The following DAB1 variants were observed in gnomAD, a reference collection of about 807,000 sequenced individuals.
DAB1 encodes disabled homolog 1.
DAB1 carries 15 observed loss-of-function variants against 64.6 expected under a neutral mutation model. That is an observed-to-expected ratio of 0.23 (90% CI 0.16 to 0.36). DAB1 has a LOEUF of 0.36. Among genes scored for constraint, DAB1 ranks in the 10% least tolerant of loss-of-function variants. The probability of loss-of-function intolerance (pLI) is 1.00; values close to 1 mark genes in which losing one functional copy is unlikely to be tolerated. For synonymous variants in DAB1, 235 were observed against 251.9 expected (o/e 0.93, Z 0.64); for missense variants, 596 against 706.7 (o/e 0.84, Z 1.78).
intron 7 of DAB1, among the ~76,000 whole-genome samples, chr1:57,519,044 G>A (rs1488656402): frequency 3.3e-5 from 5 of 152,088 alleles, no homozygotes; most frequent in Non-Finnish European, 7.3e-5. Flanking sequence ...TCGGCGCATA[G>A]AAAAGAGCCT....
intron 6 of DAB1, among the ~76,000 whole-genome samples, chr1:57,661,156 A>G (rs1456665976): frequency 6.6e-6 from 1 of 152,058 alleles, no homozygotes; most frequent in African/African-American, 2.4e-5. Context: ...TAGTGAAGAA[A>G]TTTTCTCACT....
At position 57,883,448 on chromosome 1, in the gene DAB1, G is replaced by A. The variant is rs552328653; in HGVS notation, n.87+551C>T. Among the ~76,000 whole-genome samples the A allele has an allele frequency of 3.3e-5, 5 of 152,312 alleles. No homozygotes were observed. The East Asian group carries it at 5.8e-4, about 18-fold the overall frequency. ...TAAATTGGGCCTGAAATAGCCACACGATGAAGGGTAATAAGGCAGAGAGCA... is the reference window on the plus strand; with the variant it reads ...TAAATTGGGCCTGAAATAGCCACACAATGAAGGGTAATAAGGCAGAGAGCA... On this transcript the variant is annotated intron_variant and non_coding_transcript_variant, in intron 1 of 1. Coordinates refer to the DAB1 transcript ENST00000477280.
At chr1:57,143,555 T>G (rs1658816369) in intron 3 of DAB1, among the ~76,000 whole-genome samples, 1 of 152,224 alleles carries the variant, frequency 6.6e-6, no homozygotes, top group African/African-American at 2.4e-5. Context: ...TATTAAAGTT[T>G]GTTTATATAA....
At chr1:58,130,746 G>C (rs1214473277) in intron 5 of DAB1, among the ~76,000 whole-genome samples, 2 of 151,796 alleles carry the variant, frequency 1.3e-5, no homozygotes, top group South Asian at 2.1e-4. Context: ...TGAAATTCTG[G>C]GTTGAAAATT....
At position 58,345,309 on chromosome 1, in the gene DAB1, A is replaced by G. The variant is rs567961618; in HGVS notation, n.258-1906T>C. 3.3e-5 allele frequency among the ~76,000 whole-genome samples: 5 copies of G among 152,290 alleles called. No homozygotes were observed. The East Asian group carries it at 9.7e-4, about 29-fold the overall frequency. On this transcript the variant is annotated intron_variant and non_coding_transcript_variant, in intron 3 of 20. Transcript: ENST00000485760. ...TTTCTACCACCCCCATGCCACCAAT[A>G]ACATCCTTCAATGGAAAAGAATTAT...
intron 3 of DAB1, among the ~76,000 whole-genome samples, chr1:58,430,178 GAC>G (rs375831281): frequency 1.3e-4 from 20 of 152,330 alleles, no homozygotes; most frequent in African/African-American, 4.8e-4. Context: ...ATTTGGGTGA[GAC>G]ACAAAGCCAG....
intron 3 of DAB1, among the ~76,000 whole-genome samples, chr1:58,470,576 C>T (rs1645346551): frequency 6.6e-6 from 1 of 152,130 alleles, no homozygotes; most frequent in Non-Finnish European, 1.5e-5. Context: ...ATTCCTGGAG[C>T]ACAGATGTCT....
chr1:57,522,137 T>C (rs1184987245), intron 7 of DAB1, among the ~76,000 whole-genome samples: 3 of 150,672 alleles, frequency 2.0e-5, no homozygotes, highest in African/African-American at 2.4e-5. Context: ...TTAACCCCGG[T>C]GCATCTCAGA....
intron 4 of DAB1, among the ~76,000 whole-genome samples, chr1:58,230,928 C>T (rs760759372): frequency 1.3e-4 from 20 of 152,248 alleles, no homozygotes; most frequent in African/African-American, 2.6e-4. Flanking sequence ...GCCAGACAGA[C>T]GGATTCTGAA....
intron 5 of DAB1, among the ~76,000 whole-genome samples, chr1:58,146,336 C>T (rs763069668): frequency 2.6e-5 from 4 of 151,952 alleles, no homozygotes; most frequent in South Asian, 2.1e-4. Context: ...AAATAGTTAC[C>T]GTGTGTGTGT....
chr1:57,610,635 G>A (rs1015520926), intron 7 of DAB1, among the ~76,000 whole-genome samples: 14 of 152,336 alleles, frequency 9.2e-5, no homozygotes, highest in Middle Eastern at 3.4e-3. Flanking sequence ...AAGGCCTCAG[G>A]AAACTTACAA....
At chr1:58,071,405 T>TGG (rs1553157590) in intron 5 of DAB1, 3 of 144,954 alleles carry the variant, frequency 2.1e-5, no homozygotes, top group African/African-American at 7.8e-5. Context: ...TGTGTGTGTG[T>TGG]GGGTGGGGAG....
intron 5 of DAB1, among the ~76,000 whole-genome samples, chr1:57,994,307 G>A (rs955220527): frequency 6.6e-6 from 1 of 152,182 alleles, no homozygotes; most frequent in African/African-American, 2.4e-5. Flanking sequence ...CTTGAAAGAG[G>A]AAAGAATCTG....
chr1:57,315,533 C>T (rs374730857), intron 1 of DAB1, among the ~76,000 whole-genome samples: 2 of 152,076 alleles, frequency 1.3e-5, no homozygotes, highest in Admixed American at 6.6e-5. Context: ...GACGGAGTCT[C>T]GCTCTGTCAC....
At chr1:58,511,094 T>G (rs569945082) in intron 2 of DAB1, among the ~76,000 whole-genome samples, 1 of 152,126 alleles carries the variant, frequency 6.6e-6, no homozygotes, top group East Asian at 1.9e-4. Context: ...GAAAATCCCA[T>G]TGGCACTTTT....
At chr1:57,243,719 A>G (rs1206038183) in intron 2 of DAB1, among the ~76,000 whole-genome samples, 2 of 152,168 alleles carry the variant, frequency 1.3e-5, no homozygotes, top group East Asian at 1.9e-4. Context: ...AGAGAAATTC[A>G]TTGGAGGCAG....
chr1:57,275,979 T>C (rs1229007168), intron 2 of DAB1, among the ~76,000 whole-genome samples: 5 of 152,144 alleles, frequency 3.3e-5, no homozygotes, highest in Non-Finnish European at 7.4e-5. Flanking sequence ...GACAGAAAGA[T>C]TGAGAGAGAG....
intron 5 of DAB1, among the ~76,000 whole-genome samples, chr1:58,093,002 T>A (rs1650761041): frequency 6.6e-6 from 1 of 152,208 alleles, no homozygotes; most frequent in Admixed American, 6.5e-5. Context: ...TGGTTCACTA[T>A]TGGAATAAAG....
At chr1:58,156,372 C>T (rs1655229732) in intron 4 of DAB1, among the ~76,000 whole-genome samples, 1 of 152,160 alleles carries the variant, frequency 6.6e-6, no homozygotes, top group Non-Finnish European at 1.5e-5. Flanking sequence ...TTAGCGCTTC[C>T]CAACCTGGGC....
Sources: allele counts gnomAD v4.1 joint callset (sites outside exome capture counted in the v4.1 genomes callset), GRCh38; gene constraint gnomAD v4.1.1; transcripts MANE v1.5; gene names NCBI Gene and HGNC (gene_info 2026-07-23, HGNC 2026-07-21).